The following MTHFD1L variants were observed in gnomAD, a reference collection of about 807,000 sequenced individuals.
MTHFD1L encodes the protein monofunctional C1-tetrahydrofolate synthase, mitochondrial.
In MTHFD1L, 81 loss-of-function variants were observed where a neutral mutation model predicts 119.5. That is an observed-to-expected ratio of 0.68 (90% CI 0.57 to 0.82). The LOEUF (loss-of-function observed/expected upper bound fraction) is 0.82, where lower values mean the gene tolerates loss of function less well. MTHFD1L is among the 40% of genes least tolerant of loss of function. The pLI is 0.00. For missense variants in MTHFD1L, 1,125 were observed against 1,253.4 expected, an observed-to-expected ratio of 0.90 and a Z score of 1.55; for synonymous variants, 430 against 475.2, an observed-to-expected ratio of 0.90 and a Z score of 1.24.
intron 16 of MTHFD1L, among the ~76,000 whole-genome samples, chr6:150,951,750 A>T (rs1395131974): frequency 6.6e-6 from 1 of 151,908 alleles, no homozygotes; most frequent in East Asian, 1.9e-4. Flanking sequence ...AACTAGGAAG[A>T]TTTATTATTA....
At chr6:150,888,631 C>T (rs1014617289) in intron 7 of MTHFD1L, among the ~76,000 whole-genome samples, 1 of 152,110 alleles carries the variant, frequency 6.6e-6, no homozygotes, top group East Asian at 1.9e-4. Flanking sequence ...TACTAATTGT[C>T]TGCAAATTTT....
At chr6:150,956,331 A>C (rs1384246610) in intron 17 of MTHFD1L, among the ~76,000 whole-genome samples, 1 of 152,126 alleles carries the variant, frequency 6.6e-6, no homozygotes. Context: ...AGGAAGAGCC[A>C]CTCAGGGTAT....
At chr6:151,072,179 CA>C (rs67268412) in intron 26 of MTHFD1L, among the ~76,000 whole-genome samples, 109,081 of 151,298 alleles carry the variant, frequency 0.72, 41,780 homozygotes, top group East Asian at 0.91. Flanking sequence ...CTTTTTATAC[CA>C]AAAAAAAATT....
intron 20 of MTHFD1L, among the ~76,000 whole-genome samples, chr6:150,994,073 A>AGG (rs1415724903): frequency 0.01 from 798 of 79,110 alleles, 29 homozygotes; most frequent in African/African-American, 0.053. Context: ...GTAAAAAAAA[A>AGG]AAAAAAAGAA....
chr6:151,044,156 G>A (rs1467850284), intron 26 of MTHFD1L, among the ~76,000 whole-genome samples: 2 of 152,180 alleles, frequency 1.3e-5, no homozygotes, highest in East Asian at 1.9e-4. Flanking sequence ...CACTGTGGAG[G>A]TCCCAGCAGC....
intron 7 of MTHFD1L, among the ~76,000 whole-genome samples, chr6:150,896,398 G>A (rs962763098): frequency 3.3e-5 from 5 of 152,122 alleles, no homozygotes; most frequent in African/African-American, 4.8e-5. Flanking sequence ...GAGCACCTTC[G>A]GAGAGGGCAG....
Position 150,926,159 on chromosome 6 carries a change from G to A in MTHFD1L, c.1120G>A (p.Val374Met), listed in dbSNP as rs746978368. The A allele has an allele frequency of 1.2e-6, 2 of 1,614,040 alleles. No homozygotes were observed. The highest frequency in any genetic ancestry group is 1.3e-5 in the African/African-American group (1 of 75,022). ...EISRGQTPKA[V>M]DVLAKEIGLL... ...TTCAAGAGGACAAACTCCAAAAGCTGTGGATGTCCTTGCCAAGGAGATTGG... is the reference window on the plus strand; with the variant it reads ...TTCAAGAGGACAAACTCCAAAAGCTATGGATGTCCTTGCCAAGGAGATTGG... The change falls in exon 11 of 28, where the codon GTG becomes ATG. Residue 374 changes from valine (V) to methionine (M), a missense_variant. This residue lies in a region of MTHFD1L where 1,058 missense variants were observed against 1,151.2 expected (regional missense o/e 0.92). Transcript: ENST00000367321. This position sits in a 1 kb window ranked among gnomAD's most constrained non-coding sequence, Gnocchi z 4.3.
intron 26 of MTHFD1L, among the ~76,000 whole-genome samples, chr6:151,078,655 T>G (rs1584414951): frequency 6.6e-6 from 1 of 151,966 alleles, no homozygotes; most frequent in Non-Finnish European, 1.5e-5. Context: ...GCCATGTGGG[T>G]TTTTGCCATG....
rs1377170687 is a variant in MTHFD1L, at chr6:151,004,000, CT to C, written c.2126-5811del. On this transcript the variant is annotated intron_variant, in intron 20 of 27. Transcript: ENST00000367321. The stretch of plus-strand genomic sequence containing the variant: ...TTCTAATGAAGTGAGGATGTTAATG[CT>C]TTTTTTTAAAAAAAAAAAAAAAAAA... 9.3e-3 allele frequency among the ~76,000 whole-genome samples: 999 copies of C among 107,846 alleles called. 9 individuals carry two copies. The highest frequency in any genetic ancestry group is 0.028 in the African/African-American group (804 of 29,220). 70.8% of individuals were successfully genotyped at this position (107,846 alleles called of 152,430 possible).
At chr6:150,914,406 C>G (rs181856934) in intron 8 of MTHFD1L, among the ~76,000 whole-genome samples, 178 of 152,280 alleles carry the variant, frequency 1.2e-3, no homozygotes, top group African/African-American at 4.0e-3. Flanking sequence ...GCCTACTGTA[C>G]GTAAAAATCA....
intron 7 of MTHFD1L, 143 bp from the exon 8 acceptor site, chr6:150,905,507 T>C (rs1338465458): frequency 8.0e-6 from 5 of 627,712 alleles, no homozygotes; most frequent in Admixed American, 5.5e-5. Flanking sequence ...TTGAAAGGAA[T>C]TAGTAAAGCG....
At chr6:150,910,599 G>C (rs1786721816) in intron 8 of MTHFD1L, among the ~76,000 whole-genome samples, 2 of 151,582 alleles carry the variant, frequency 1.3e-5, no homozygotes, top group South Asian at 4.2e-4. Flanking sequence ...TGCACTTACA[G>C]GCTGTGTGAC....
intron 20 of MTHFD1L, among the ~76,000 whole-genome samples, chr6:151,009,487 T>A (rs1318299589): frequency 6.6e-6 from 1 of 151,908 alleles, no homozygotes; most frequent in Non-Finnish European, 1.5e-5. Context: ...TGAGCCGAGA[T>A]CATGCCGCTG....
chr6:150,905,103 G>A lies in MTHFD1L; in HGVS notation c.781-547G>A, dbSNP rs185564783. On this transcript the variant is annotated intron_variant, in intron 7 of 27. Transcript: ENST00000367321. ...TGTTGGAGTGCAGTGGTGTGATCTC[G>A]GCTCACTGCAACCTCTGCCTCCTGG... Among the ~76,000 whole-genome samples, 180 of 136,816 alleles carry A rather than the reference G, an allele frequency of 1.3e-3. 3 individuals carry two copies. The highest frequency in any genetic ancestry group is 0.012 in the Admixed American group (146 of 12,674). 89.8% of individuals were successfully genotyped at this position (136,816 alleles called of 152,430 possible).
chr6:150,938,911 G>T (rs1309118387), intron 13 of MTHFD1L, among the ~76,000 whole-genome samples, 166 bp downstream of exon 13: 4 of 152,076 alleles, frequency 2.6e-5, no homozygotes, highest in African/African-American at 9.7e-5. Context: ...ACAAACCCTA[G>T]TATTTACTGT....
chr6:150,865,721 C>A lies in MTHFD1L; in HGVS notation c.-102C>A. Reference sequence around the variant, plus strand: ...GACGAGGAGGAAGCGCCAGGTCCTTCCCGCCGCCGCCGCCGCCGCCGCCGC... The same window carrying A: ...GACGAGGAGGAAGCGCCAGGTCCTTACCGCCGCCGCCGCCGCCGCCGCCGC... On this transcript the variant is annotated 5_prime_UTR_variant, in exon 1 of 28. Transcript: ENST00000367321. 1.0e-6 allele frequency: 1 copy of A among 967,252 alleles called. No individual in the cohort carries two copies. The highest frequency in any genetic ancestry group is 1.3e-6 in the Non-Finnish European group (1 of 780,418). The allele number at this position is 967,252 out of a possible 1,614,324, so 59.9% of individuals were successfully genotyped here.
chr6:150,897,850 A>C lies in MTHFD1L; in HGVS notation c.781-7800A>C, dbSNP rs375034539. ...AGGTCGTGGAATTAGAATTTAAAAA[A>C]AAAATTTTTTTGAGACAGAGTTTTG... On this transcript the variant is annotated intron_variant, in intron 7 of 27. Coordinates refer to ENST00000367321, the MANE Select transcript of MTHFD1L (RefSeq NM_015440.5). Among the ~76,000 whole-genome samples, 60 of 152,278 alleles carry C rather than the reference A, an allele frequency of 3.9e-4. No individual in the cohort carries two copies. In the South Asian group the frequency reaches 9.1e-3, roughly 23 times the overall value.
chr6:151,013,984 G>A (rs1366751321), intron 22 of MTHFD1L, among the ~76,000 whole-genome samples, 164 bp downstream of exon 22: 1 of 152,160 alleles, frequency 6.6e-6, no homozygotes, highest in Non-Finnish European at 1.5e-5. Context: ...AGGCCAAGGC[G>A]ACCGGATCAC....
intron 26 of MTHFD1L, among the ~76,000 whole-genome samples, chr6:151,061,598 G>A (rs77396312): frequency 0.032 from 4,895 of 152,244 alleles, 156 homozygotes; most frequent in Admixed American, 0.099. Flanking sequence ...CTAACATGTT[G>A]GATCTGAAGC....
Sources: allele counts gnomAD v4.1 joint callset (sites outside exome capture counted in the v4.1 genomes callset), GRCh38; gene constraint gnomAD v4.1.1; regional missense constraint gnomAD v4.1.1; non-coding constraint Gnocchi (gnomAD v3.1); transcripts MANE v1.5; gene names NCBI Gene and HGNC (gene_info 2026-07-23, HGNC 2026-07-21).